DNHD1: variants seen among roughly 807,000 people sequenced by gnomAD.
DNHD1 encodes dynein heavy chain domain-containing protein 1.
Under a neutral mutation model 458.1 loss-of-function variants are expected in DNHD1, and 383 were observed. The observed-to-expected ratio is 0.84, with a 90% CI of 0.77 to 0.91. The LOEUF is 0.91. Among genes scored for constraint, DNHD1 ranks in the 40% least tolerant of loss-of-function variants. The pLI is 0.00. For missense variants in DNHD1, 5,336 were observed against 5,866.1 expected (o/e 0.91, Z 2.95); for synonymous variants, 2,203 against 2,376.9 (o/e 0.93, Z 2.13).
chr11:6,554,746 CAAT>C (rs1385714632), intron 24 of DNHD1, among the ~76,000 whole-genome samples: 2 of 152,146 alleles, frequency 1.3e-5, no homozygotes, highest in Non-Finnish European at 2.9e-5. Context: ...AAAAGACTGA[CAAT>C]AATAAGTGTT....
chr11:6,508,867 T>C lies in DNHD1; in HGVS notation c.921-13T>C. On this transcript the variant is annotated splice_polypyrimidine_tract_variant and intron_variant, in intron 4 of 42. Coordinates refer to ENST00000254579, the MANE Select transcript of DNHD1 (RefSeq NM_144666.3). Reference sequence around the variant, plus strand: ...TCCCAGGGCCTTCACTGATCAGAGCTCTTTTTTTAAAGGCCTTACAGCCTG... The same window carrying C: ...TCCCAGGGCCTTCACTGATCAGAGCCCTTTTTTTAAAGGCCTTACAGCCTG... 1.9e-6 allele frequency: 3 copies of C among 1,613,732 alleles called. No individual in the cohort carries two copies. Among genetic ancestry groups the C allele is most frequent in the Non-Finnish European group, 2.5e-6 (3 of 1,179,928 alleles).
chr11:6,501,843 A>G (rs1317145549), intron 3 of DNHD1, among the ~76,000 whole-genome samples: 1 of 152,210 alleles, frequency 6.6e-6, no homozygotes, highest in Non-Finnish European at 1.5e-5. Flanking sequence ...CTATAAGAGC[A>G]ATTATACCAT....
chr11:6,567,111 C>T lies in DNHD1; in HGVS notation c.11602C>T (p.Gln3868Ter). 3 of 1,614,054 alleles carry T rather than the reference C, an allele frequency of 1.9e-6. No homozygotes were observed. Among genetic ancestry groups the T allele is most frequent in the Non-Finnish European group, 2.5e-6 (3 of 1,179,896 alleles). ...CATGGTAAAGGCCCTAAGCCAACTG[C>T]AGAACCTGCTGCCACTTTTCTGTAT... ...MAMVKALSQL[Q>*]NLLPLFCMSP... Residue 3868 changes from glutamine to a stop codon, truncating the protein, a stop_gained, in exon 36 of 43, where the codon CAG becomes TAG. Transcript: ENST00000254579. LOFTEE classifies it high-confidence loss of function.
rs1316385541 is a variant in DNHD1, at chr11:6,564,025, G to A, written c.10185G>A (p.Val3395=). 4 of 1,551,600 alleles carry A rather than the reference G, an allele frequency of 2.6e-6. No individual in the cohort carries two copies. Among genetic ancestry groups the A allele is most frequent in the East Asian group, 4.9e-5 (2 of 40,928 alleles). Residue 3395 remains valine (V), a synonymous_variant, in exon 31 of 43, where the codon GTG becomes GTA. Transcript: ENST00000254579. ...VEDAQASHNC[V]AKTLSQAQCG... is the part of the protein sequence containing the mutation. ...ATGCCCAAGCTTCCCACAACTGCGT[G>A]GCAAAGACCCTCAGTCAAGCACAGT...
chr11:6,553,043 TGAA>T (rs1169196261), intron 24 of DNHD1, among the ~76,000 whole-genome samples: 1 of 152,202 alleles, frequency 6.6e-6, no homozygotes, highest in Non-Finnish European at 1.5e-5. Flanking sequence ...TAAGCCATGA[TGAA>T]GACATTTCAA....
Position 6,568,512 on chromosome 11 carries a change from C to T in DNHD1, c.12597C>T (p.Ser4199=). 6.2e-7 allele frequency: 1 copy of T among 1,614,028 alleles called. No homozygotes were observed. The highest frequency in any genetic ancestry group is 8.5e-7 in the Non-Finnish European group (1 of 1,179,898). The change falls in exon 38 of 43, where the codon AGC becomes AGT. Residue 4199 remains serine (S), a synonymous_variant. Transcript: ENST00000254579. ...ACCAACCTGAAAGCAGGAATGTAAG[C>T]ACTGTTCACAGAGATTTTCGTCTTT... The part of the protein sequence containing the change: ...LLDQPESRNV[S]TVHRDFRLWL...
chr11:6,569,056 A>G (rs986436921), intron 39 of DNHD1, among the ~76,000 whole-genome samples, 190 bp downstream of exon 39: 2 of 152,188 alleles, frequency 1.3e-5, no homozygotes, highest in African/African-American at 4.8e-5. Flanking sequence ...GCAGAGGCAA[A>G]TCAGGTAGAG....
chr11:6,530,269 C>T (rs1479261597), intron 12 of DNHD1, among the ~76,000 whole-genome samples: 1 of 152,142 alleles, frequency 6.6e-6, no homozygotes, highest in Non-Finnish European at 1.5e-5. Context: ...CTTGCCACTT[C>T]TACCCCTGCT....
chr11:6,567,966 C>T, intron 36 of DNHD1, 90 bp from the exon 37 acceptor site: 1 of 1,482,420 alleles, frequency 6.7e-7, no homozygotes, highest in Non-Finnish European at 9.0e-7. Context: ...TACGTAGGGA[C>T]TTTGGGGATC....
chr11:6,499,110 T>C, intron 3 of DNHD1, 149 bp downstream of exon 3: 1 of 869,672 alleles, frequency 1.1e-6, no homozygotes, highest in Middle Eastern at 3.3e-4. Context: ...GTGAGGCTAC[T>C]TTCCTCTTCC....
At chr11:6,500,181 G>C (rs1206590800) in intron 3 of DNHD1, among the ~76,000 whole-genome samples, 1 of 151,764 alleles carries the variant, frequency 6.6e-6, no homozygotes, top group Non-Finnish European at 1.5e-5. Context: ...ACCAGGCTAG[G>C]TTTCCAACTC....
In DNHD1 at chr11:6,547,650, G is replaced by A; in HGVS notation, c.6711G>A (p.Glu2237=). The change falls in exon 21 of 43, where the codon GAG becomes GAA. Residue 2237 remains glutamate (E), a synonymous_variant. Coordinates refer to ENST00000254579, the MANE Select transcript of DNHD1 (RefSeq NM_144666.3). The part of the protein sequence containing the change: ...LLDLHLRLKE[E]KAPGPEDLSY... ...ACCTCCACCTTCGCCTAAAGGAGGA[G>A]AAGGCCCCTGGCCCAGGTGGGAAGA... 1 of 1,525,336 alleles carries A rather than the reference G, an allele frequency of 6.6e-7. No individual in the cohort carries two copies. Among genetic ancestry groups the A allele is most frequent in the Non-Finnish European group, 8.9e-7 (1 of 1,129,754 alleles). 94.5% of individuals were successfully genotyped at this position (1,525,336 alleles called of 1,614,324 possible).
intron 16 of DNHD1, 29 bp downstream of exon 16, chr11:6,538,839 G>A (rs1345810719): frequency 2.0e-6 from 3 of 1,470,810 alleles, no homozygotes; most frequent in African/African-American, 2.8e-5. Flanking sequence ...AGAGGAGGGG[G>A]AAAGGGAAAT....
chr11:6,538,251 C>T (rs1483157965), intron 14 of DNHD1, 132 bp from the exon 15 acceptor site: 2 of 708,224 alleles, frequency 2.8e-6, no homozygotes, highest in African/African-American at 3.5e-5. Flanking sequence ...ATTTGGAACT[C>T]CACCTCCCCC....
At position 6,571,079 on chromosome 11, in the gene DNHD1, G is replaced by A. The variant is rs773481910; in HGVS notation, c.13567G>A (p.Ala4523Thr). The A allele has an allele frequency of 1.9e-6, 3 of 1,587,384 alleles. No individual in the cohort carries two copies. Among genetic ancestry groups the A allele is most frequent in the East Asian group, 2.2e-5 (1 of 44,508 alleles). The change falls in exon 42 of 43, where the codon GCG (alanine) becomes ACG (threonine). Residue 4523 changes from alanine (A) to threonine (T), a missense_variant. This residue lies in a region of DNHD1 where 698 missense variants were observed against 664.9 expected (regional missense o/e 1.05). Coordinates refer to ENST00000254579, the MANE Select transcript of DNHD1 (RefSeq NM_144666.3). The surrounding 1 kb of genome is among the most constrained non-coding windows in gnomAD (Gnocchi z 5.0). ...CCCGTGCCCCTCCCGCCGCTGTGCTGCGGTGGCCCACGCTCTCTGGACTGG... is the reference window on the plus strand; with the variant it reads ...CCCGTGCCCCTCCCGCCGCTGTGCTACGGTGGCCCACGCTCTCTGGACTGG... ...APPCPSRRCA[A>T]VAHALWTGRL...
Position 6,566,995 on chromosome 11 carries a change from T to C in DNHD1, c.11486T>C (p.Leu3829Pro), listed in dbSNP as rs372662576. ...IVRAQGKLCQ[L>P]RAHCEELEGQ... ...AGGGCCCAAGGAAAGCTATGCCAGCTGCGTGCTCATTGTGAAGAGTTAGAA... is the reference window on the plus strand; with the variant it reads ...AGGGCCCAAGGAAAGCTATGCCAGCCGCGTGCTCATTGTGAAGAGTTAGAA... Residue 3829 changes from leucine (L) to proline (P), a missense_variant, in exon 36 of 43, where the codon CTG becomes CCG. By Grantham distance (98) the Leu-to-Pro change is moderately conservative. Around this residue, in one of 4 missense-constraint regions of DNHD1, gnomAD observed 695 missense variants for 804.2 expected, o/e 0.86. Transcript: ENST00000254579. 1.2e-5 allele frequency: 20 copies of C among 1,613,906 alleles called. No homozygotes were observed. In the African/African-American group the frequency reaches 2.4e-4, roughly 19 times the overall value.
In DNHD1 at chr11:6,547,511, G is replaced by A. The variant is rs748154590; in HGVS notation, c.6572G>A (p.Arg2191Gln). 1.0e-5 allele frequency: 16 copies of A among 1,550,980 alleles called. No homozygotes were observed. In the South Asian group the frequency reaches 1.2e-4, roughly 12 times the overall value. ...MAEVLVPATL[R>Q]FLTCQGVSSL... ...GAGGTTCTGGTGCCTGCAACATTGC[G>A]ATTCCTCACCTGCCAAGGTGTCAGC... The change falls in exon 21 of 43, where the codon CGA becomes CAA. Residue 2191 changes from arginine to glutamine, a missense_variant. By Grantham distance (43) the Arg-to-Gln change is conservative. This residue lies in a region of DNHD1 where 3,932 missense variants were observed against 4,365.6 expected (regional missense o/e 0.90). Transcript: ENST00000254579.
At position 6,545,648 on chromosome 11, in the gene DNHD1, T is replaced by C; in HGVS notation, c.4709T>C (p.Leu1570Pro). ...CTGCCTTCTGTCCGCCAGACCAGCC[T>C]TCTCAGTGCCCTGCTGGTCATGGCA... ...QSLPSVRQTS[L>P]LSALLVMAVT... The change falls in exon 21 of 43, where the codon CTT (leucine) becomes CCT (proline). Residue 1570 changes from leucine (L) to proline (P), a missense_variant. Physicochemically the swap from Leu to Pro is moderately conservative, Grantham distance 98 (BLOSUM62 -3). Around this residue, in one of 4 missense-constraint regions of DNHD1, gnomAD observed 3,932 missense variants for 4,365.6 expected, o/e 0.90. Coordinates refer to ENST00000254579, the MANE Select transcript of DNHD1 (RefSeq NM_144666.3). The surrounding 1 kb of genome is among the most constrained non-coding windows in gnomAD (Gnocchi z 4.9). 6.4e-7 allele frequency: 1 copy of C among 1,551,786 alleles called. No homozygotes were observed. Among genetic ancestry groups the C allele is most frequent in the Non-Finnish European group, 8.7e-7 (1 of 1,147,002 alleles).
chr11:6,534,052 C>G lies in DNHD1; in HGVS notation c.2877C>G (p.Pro959=), dbSNP rs1197523625. 3.2e-6 allele frequency: 5 copies of G among 1,551,450 alleles called. No individual in the cohort carries two copies. The highest frequency in any genetic ancestry group is 4.9e-5 in the East Asian group (2 of 40,916). ...EGLLAKALSG[P]FMDPTQDQRS... ...TGCTTGCGAAGGCCCTCTCCGGTCC[C>G]TTTATGGACCCCACACAAGATCAGA... The change falls in exon 14 of 43, where the codon CCC becomes CCG. Residue 959 remains proline (P), a synonymous_variant. Coordinates refer to ENST00000254579, the MANE Select transcript of DNHD1 (RefSeq NM_144666.3).
Sources: allele counts gnomAD v4.1 joint callset (sites outside exome capture counted in the v4.1 genomes callset), GRCh38; gene constraint gnomAD v4.1.1; regional missense constraint gnomAD v4.1.1; non-coding constraint Gnocchi (gnomAD v3.1); transcripts MANE v1.5; gene names NCBI Gene and HGNC (gene_info 2026-07-23, HGNC 2026-07-21).